SUGCT: variants seen among roughly 807,000 people sequenced by gnomAD.
SUGCT encodes the protein succinyl-CoA:glutarate-CoA transferase.
A neutral mutation model predicts 55.0 loss-of-function variants in SUGCT; 41 were observed. The observed-to-expected ratio is 0.74, with a 90% CI of 0.58 to 0.97. The LOEUF (loss-of-function observed/expected upper bound fraction) is 0.97, where lower values mean the gene tolerates loss of function less well. Ranked by LOEUF, SUGCT falls within the 50% of genes least tolerant of loss-of-function variation. The pLI is 0.00. For missense variants in SUGCT, 568 were observed against 547.8 expected, an observed-to-expected ratio of 1.04 and a Z score of -0.37; for synonymous variants, 187 against 200.4, an observed-to-expected ratio of 0.93 and a Z score of 0.56.
chr7:40,898,746 G>A, the SUGCT span, among the ~76,000 whole-genome samples: 1 of 152,022 alleles, frequency 6.6e-6, no homozygotes, highest in Non-Finnish European at 1.5e-5. Flanking sequence ...CTTCATTCTG[G>A]AAGTCAGCGA....
intron 1 of SUGCT, among the ~76,000 whole-genome samples, chr7:40,145,367 T>TC (rs1290193566): frequency 2.0e-5 from 3 of 152,208 alleles, no homozygotes; most frequent in Admixed American, 6.5e-5. Context: ...ACTTTTTTTT[T>TC]CACGACTTTC....
chr7:40,651,732 G>A (rs9648488), intron 12 of SUGCT, among the ~76,000 whole-genome samples: 2,020 of 151,874 alleles, frequency 0.013, 22 homozygotes, highest in African/African-American at 0.027. Context: ...GGTTTTATGG[G>A]TTTTATCATC....
At chr7:40,204,395 C>T (rs536507377) in intron 6 of SUGCT, among the ~76,000 whole-genome samples, 16 of 151,726 alleles carry the variant, frequency 1.1e-4, no homozygotes, top group Non-Finnish European at 1.3e-4. Flanking sequence ...CTCCACCTCC[C>T]GGGTTCACGC....
intron 11 of SUGCT, among the ~76,000 whole-genome samples, chr7:40,489,556 C>A (rs1456536212): frequency 6.6e-6 from 1 of 152,114 alleles, no homozygotes; most frequent in Admixed American, 6.5e-5. Context: ...TGGTGCATGC[C>A]TGTAGTCCCA....
chr7:40,143,188 G>A (rs987230461), intron 1 of SUGCT, among the ~76,000 whole-genome samples: 1 of 152,300 alleles, frequency 6.6e-6, no homozygotes, highest in East Asian at 1.9e-4. Flanking sequence ...ATTTGGCAGA[G>A]TGTCCAGTAA....
Position 40,451,407 on chromosome 7 carries a change from T to G in SUGCT, c.888+2049T>G, listed in dbSNP as rs187916433. 2.0e-5 allele frequency among the ~76,000 whole-genome samples: 3 copies of G among 152,368 alleles called. No individual in the cohort carries two copies. In the East Asian group the frequency reaches 5.8e-4, roughly 29 times the overall value. ...TAAGAACAGTTTTCAACAAAGGTTC[T>G]TATTTCAAAGCAGAATATTTGCCAG... On this transcript the variant is annotated intron_variant, in intron 10 of 13. Transcript: ENST00000335693.
chr7:40,615,577 TG>T (rs1474061880), intron 12 of SUGCT, among the ~76,000 whole-genome samples: 1 of 152,218 alleles, frequency 6.6e-6, no homozygotes, highest in African/African-American at 2.4e-5. Context: ...AACACATCGC[TG>T]TAGAATGGAC....
chr7:40,806,989 T>C (rs1352461302), intron 13 of SUGCT, among the ~76,000 whole-genome samples: 7 of 152,164 alleles, frequency 4.6e-5, no homozygotes, highest in Non-Finnish European at 2.9e-5. Flanking sequence ...GGATATTCAC[T>C]ACCCACCTTC....
intron 6 of SUGCT, among the ~76,000 whole-genome samples, chr7:40,218,549 G>A (rs1277458992): frequency 2.0e-5 from 3 of 151,990 alleles, no homozygotes; most frequent in African/African-American, 7.3e-5. Context: ...ACCAATCAGC[G>A]CTCTGTGTCT....
intron 9 of SUGCT, among the ~76,000 whole-genome samples, chr7:40,341,423 A>G (rs1228209075): frequency 6.6e-6 from 1 of 152,190 alleles, no homozygotes; most frequent in Non-Finnish European, 1.5e-5. Flanking sequence ...AGAGAAAAAA[A>G]AAGTGTAGAA....
intron 9 of SUGCT, among the ~76,000 whole-genome samples, chr7:40,400,966 G>C (rs543726260): frequency 6.6e-6 from 1 of 152,070 alleles, no homozygotes. Context: ...CATCAGGAAG[G>C]CATCCCAGTA....
chr7:40,867,109 A>C, the SUGCT span, among the ~76,000 whole-genome samples: 1 of 148,340 alleles, frequency 6.7e-6, no homozygotes, highest in Non-Finnish European at 1.5e-5. Context: ...CATCCATGTA[A>C]AATAAGAACT....
chr7:41,018,573 C>T, the SUGCT span, among the ~76,000 whole-genome samples: 39 of 152,070 alleles, frequency 2.6e-4, no homozygotes, highest in Non-Finnish European at 8.8e-5. Flanking sequence ...TACTGAGTTG[C>T]GACTGTGTTT....
chr7:40,366,172 C>T (rs1783949314), intron 9 of SUGCT, among the ~76,000 whole-genome samples: 3 of 152,082 alleles, frequency 2.0e-5, no homozygotes, highest in Admixed American at 1.3e-4. Flanking sequence ...GAAAGGATTC[C>T]CTATTTAATA....
intron 1 of SUGCT, among the ~76,000 whole-genome samples, chr7:40,145,275 C>G (rs1350263760): frequency 6.6e-6 from 1 of 152,144 alleles, no homozygotes; most frequent in African/African-American, 2.4e-5. Context: ...TGCACATAAA[C>G]TGTTTCTTCA....
At chr7:40,946,822 T>C in the SUGCT span, among the ~76,000 whole-genome samples, 1 of 152,226 alleles carries the variant, frequency 6.6e-6, no homozygotes, top group Non-Finnish European at 1.5e-5. Context: ...ATTAATACTA[T>C]TGATTATCTT....
chr7:40,654,160 C>G (rs997608975), intron 12 of SUGCT, among the ~76,000 whole-genome samples: 3 of 152,060 alleles, frequency 2.0e-5, no homozygotes, highest in Non-Finnish European at 4.4e-5. Context: ...AATTAAGATG[C>G]TAGTTACTTT....
intron 12 of SUGCT, among the ~76,000 whole-genome samples, chr7:40,579,729 A>G (rs905758687): frequency 6.6e-6 from 1 of 152,208 alleles, no homozygotes. Context: ...TTTGTTGGAC[A>G]GGTCAGGACT....
chr7:40,453,575 A>G (rs1789310612), intron 10 of SUGCT, among the ~76,000 whole-genome samples: 1 of 152,230 alleles, frequency 6.6e-6, no homozygotes, highest in South Asian at 2.1e-4. Flanking sequence ...TACTAGTCAG[A>G]TTCAAATAAC....
Sources: gnomAD v4.1 joint callset for allele counts (sites outside exome capture counted in the v4.1 genomes callset) on GRCh38, gnomAD v4.1.1 for gene constraint, MANE v1.5 for transcripts, NCBI Gene and HGNC (gene_info 2026-07-23, HGNC 2026-07-21) for gene names.